Variants in BAHCC1 observed in about 807,000 individuals in gnomAD.
BAHCC1 encodes BAH and coiled-coil domain-containing protein 1.
BAHCC1 carries 43 observed loss-of-function variants against 88.2 expected under a neutral mutation model. The ratio of observed to expected loss-of-function variants is 0.49; its 90% CI spans 0.38 to 0.63. The LOEUF (loss-of-function observed/expected upper bound fraction) is 0.63, where lower values mean the gene tolerates loss of function less well. Among genes scored for constraint, BAHCC1 ranks in the 20% least tolerant of loss-of-function variants. BAHCC1 has a pLI of 0.00. For missense variants in BAHCC1, 3,023 were observed against 1,654.8 expected (o/e 1.83, Z -14.34); for synonymous variants, 1,510 against 745.5 (o/e 2.03, Z -16.71).
At chr17:81,425,654 T>C (rs2064179681) in intron 2 of BAHCC1, among the ~76,000 whole-genome samples, 3 of 145,528 alleles carry the variant, frequency 2.1e-5, no homozygotes, top group Non-Finnish European at 3.0e-5. Flanking sequence ...TGGTTGGTGG[T>C]GATGTGGTTG....
chr17:81,450,975 T>C (rs1046804720), intron 11 of BAHCC1: 2 of 152,650 alleles, frequency 1.3e-5, no homozygotes, highest in Non-Finnish European at 2.9e-5. Context: ...CTGCAGCCAT[T>C]GCTCTTTAGG....
intron 2 of BAHCC1, among the ~76,000 whole-genome samples, chr17:81,424,370 AG>A (rs1377976850): frequency 6.6e-6 from 1 of 152,190 alleles, no homozygotes; most frequent in Non-Finnish European, 1.5e-5. Flanking sequence ...AGTGTGTGAG[AG>A]GCCTTGGAGC....
At chr17:81,432,231 C>T (rs2064268733) in intron 3 of BAHCC1, among the ~76,000 whole-genome samples, 1 of 152,158 alleles carries the variant, frequency 6.6e-6, no homozygotes, top group Admixed American at 6.5e-5. Flanking sequence ...GCTGACATCC[C>T]TGGATCTGAC....
chr17:81,443,517 A>G lies in BAHCC1; in HGVS notation c.2168A>G (p.Tyr723Cys). The part of the protein sequence containing the change: ...KDTVSRSEAA[Y>C]GTNTARQGRA... ...ACAGTGAGCCGGTCTGAGGCAGCCT[A>G]CGGCACCAACACTGCGCGGCAGGGC... Residue 723 changes from tyrosine to cysteine, a missense_variant, in exon 5 of 28, where the codon TAC becomes TGC. Transcript: ENST00000675386. The G allele has an allele frequency of 1.5e-6, 1 of 688,512 alleles. No homozygotes were observed. Among genetic ancestry groups the G allele is most frequent in the Non-Finnish European group, 2.7e-6 (1 of 373,836 alleles). 42.7% of individuals were successfully genotyped at this position (688,512 alleles called of 1,614,324 possible). A position where few individuals can be genotyped will look rare whatever the true frequency, so the allele number is the denominator to read the frequency against.
At position 81,443,417 on chromosome 17, in the gene BAHCC1, G is replaced by A. The variant is rs566509890; in HGVS notation, c.2068G>A (p.Asp690Asn). ...RPDCARSREH[D>N]TTHGDGEVRQ... is the part of the protein sequence containing the mutation. Reference sequence around the variant, plus strand: ...GGACTGTGCCCGCAGCAGGGAGCACGACACCACGCACGGCGACGGGGAGGT... The same window carrying A: ...GGACTGTGCCCGCAGCAGGGAGCACAACACCACGCACGGCGACGGGGAGGT... The change falls in exon 5 of 28, where the codon GAC becomes AAC. Residue 690 changes from aspartate (D) to asparagine (N), a missense_variant. Physicochemically the swap from Asp to Asn is conservative, Grantham distance 23. Coordinates refer to ENST00000675386, the MANE Select transcript of BAHCC1 (RefSeq NM_001377448.1). 46 of 768,296 alleles carry A rather than the reference G, an allele frequency of 6.0e-5. 1 individual carries two copies. Among genetic ancestry groups the A allele is most frequent in the South Asian group, 2.1e-4 (15 of 72,972 alleles). The allele number at this position is 768,296 out of a possible 1,614,324, so 47.6% of individuals were successfully genotyped here.
intron 2 of BAHCC1, among the ~76,000 whole-genome samples, chr17:81,424,265 CTG>C (rs1555649969): frequency 6.6e-6 from 1 of 152,248 alleles, no homozygotes; most frequent in East Asian, 1.9e-4. Context: ...GGGGCCGAGA[CTG>C]TGGGGCCCGT....
chr17:81,436,345 C>T lies in BAHCC1; in HGVS notation c.359-2025C>T, dbSNP rs75521663. On this transcript the variant is annotated intron_variant, in intron 3 of 27. Coordinates refer to ENST00000675386, the MANE Select transcript of BAHCC1 (RefSeq NM_001377448.1). ...CCCAGAGGGGACCGGCGGGAAGGAG[C>T]CCACTCCTCTGCCAGCTGACTGCCT... Among the ~76,000 whole-genome samples, 105 of 152,318 alleles carry T rather than the reference C, an allele frequency of 6.9e-4. 1 individual carries two copies. In the East Asian group the frequency reaches 0.018, roughly 27 times the overall value.
At chr17:81,422,295 G>T (rs1312734025) in intron 2 of BAHCC1, among the ~76,000 whole-genome samples, 1 of 152,232 alleles carries the variant, frequency 6.6e-6, no homozygotes, top group African/African-American at 2.4e-5. Context: ...ACAGGCGTGA[G>T]CCACCGTGTC....
chr17:81,418,810 CGT>C (rs70938163), intron 2 of BAHCC1, among the ~76,000 whole-genome samples: 1,570 of 146,396 alleles, frequency 0.011, 35 homozygotes, highest in African/African-American at 0.038. Context: ...TGTGTGTGTA[CGT>C]GTGTGTGTGT....
In BAHCC1 at chr17:81,438,493, G is replaced by GC. The variant is rs1568014789; in HGVS notation, c.481+2dup. 1.3e-6 allele frequency: 1 copy of GC among 767,752 alleles called. No homozygotes were observed. The highest frequency in any genetic ancestry group is 2.4e-6 in the Non-Finnish European group (1 of 412,434). 47.6% of individuals were successfully genotyped at this position (767,752 alleles called of 1,614,324 possible). On this transcript the variant is annotated splice_donor_variant, in intron 4 of 27. Coordinates refer to ENST00000675386, the MANE Select transcript of BAHCC1 (RefSeq NM_001377448.1). LOFTEE classifies it high-confidence loss of function. The stretch of plus-strand genomic sequence containing the variant: ...CACCGTTTCTATGGAACCCAAAAAG[G>GC]CAAGTGCAGCATGGGACCGGCGTGG...
chr17:81,434,598 A>AC lies in BAHCC1; in HGVS notation c.359-3766dup, dbSNP rs1412892525. Among the ~76,000 whole-genome samples the AC allele has an allele frequency of 6.6e-6, 1 of 151,624 alleles. No individual in the cohort carries two copies. The highest frequency in any genetic ancestry group is 1.5e-5 in the Non-Finnish European group (1 of 67,868). ...TGACCCTGCAGTGGGAAGTCCCCTG[A>AC]CCCCCCAGGTGATCTTGGTCCTTCT... is the stretch of plus-strand genomic sequence containing the variant. On this transcript the variant is annotated intron_variant, in intron 3 of 27. Transcript: ENST00000675386. This position sits in a 1 kb window ranked among gnomAD's most constrained non-coding sequence, Gnocchi z 4.9.
At position 81,457,528 on chromosome 17, in the gene BAHCC1, C is replaced by T; in HGVS notation, c.4977C>T (p.Ser1659=). ...TGGCCGTGCTGGGGCCCTCACCCTC[C>T]TCTGTGGTCAAGATGGAGGCCAACC... ...ASVAVLGPSP[S]SVVKMEANQK... The change falls in exon 17 of 28, where the codon TCC becomes TCT. Residue 1659 remains serine, a synonymous_variant. Coordinates refer to ENST00000675386, the MANE Select transcript of BAHCC1 (RefSeq NM_001377448.1). The T allele has an allele frequency of 1.3e-6, 1 of 753,668 alleles. No homozygotes were observed. Among genetic ancestry groups the T allele is most frequent in the South Asian group, 1.4e-5 (1 of 70,894 alleles). 46.7% of individuals were successfully genotyped at this position (753,668 alleles called of 1,614,324 possible).
Position 81,442,881 on chromosome 17 carries a change from C to T in BAHCC1, c.1532C>T (p.Pro511Leu), listed in dbSNP as rs201791070. 3.4e-4 allele frequency: 263 copies of T among 779,250 alleles called. No homozygotes were observed. The highest frequency in any genetic ancestry group is 4.5e-4 in the Middle Eastern group (2 of 4,464). 48.3% of individuals were successfully genotyped at this position (779,250 alleles called of 1,614,324 possible). ...QDCARPGHQDPLGGKAPQACC... is the reference protein window; with the variant it reads ...QDCARPGHQDLLGGKAPQACC... ...TGTGCCCGGCCTGGTCACCAGGACCCGCTGGGCGGGAAGGCCCCCCAGGCC... is the reference window on the plus strand; with the variant it reads ...TGTGCCCGGCCTGGTCACCAGGACCTGCTGGGCGGGAAGGCCCCCCAGGCC... The change falls in exon 5 of 28, where the codon CCG (proline) becomes CTG (leucine). Residue 511 changes from proline (P) to leucine (L), a missense_variant. Pro to Leu is a moderately conservative substitution (Grantham distance 98). Coordinates refer to ENST00000675386, the MANE Select transcript of BAHCC1 (RefSeq NM_001377448.1).
intron 4 of BAHCC1, among the ~76,000 whole-genome samples, chr17:81,439,351 C>T (rs562154687): frequency 1.3e-4 from 19 of 151,898 alleles, no homozygotes; most frequent in African/African-American, 3.6e-4. Context: ...CCACAGGGGC[C>T]GGCATCGGTG....
At chr17:81,405,581 G>A (rs1000607299) in intron 2 of BAHCC1, among the ~76,000 whole-genome samples, 1 of 152,104 alleles carries the variant, frequency 6.6e-6, no homozygotes, top group African/African-American at 2.4e-5. Context: ...TAGCTCCAGG[G>A]TCTGAGCCCG....
At chr17:81,463,104 C>T (rs980783048) in intron 27 of BAHCC1, 128 bp downstream of exon 27, 1 of 623,586 alleles carries the variant, frequency 1.6e-6, no homozygotes. Context: ...CAGCAGGTAC[C>T]ACGGCCCTGC....
chr17:81,417,157 G>A (rs953759975), intron 2 of BAHCC1, among the ~76,000 whole-genome samples: 6 of 152,288 alleles, frequency 3.9e-5, no homozygotes, highest in East Asian at 1.9e-4. Context: ...GTGTGCGTGC[G>A]TGTGCCCCTG....
chr17:81,445,982 G>C (rs2064519728), intron 10 of BAHCC1, among the ~76,000 whole-genome samples: 1 of 152,250 alleles, frequency 6.6e-6, no homozygotes, highest in Non-Finnish European at 1.5e-5. Flanking sequence ...GGGCCTGCTG[G>C]TGGTGGTACT....
intron 3 of BAHCC1, among the ~76,000 whole-genome samples, chr17:81,432,211 G>A (rs2064268481): frequency 6.6e-6 from 1 of 152,256 alleles, no homozygotes; most frequent in African/African-American, 2.4e-5. Flanking sequence ...ATGGGGTGCG[G>A]CCTTCCTAGG....
Sources: gnomAD v4.1 joint callset for allele counts (sites outside exome capture counted in the v4.1 genomes callset) on GRCh38, gnomAD v4.1.1 for gene constraint, Gnocchi (gnomAD v3.1) non-coding constraint, MANE v1.5 for transcripts, NCBI Gene and HGNC (gene_info 2026-07-23, HGNC 2026-07-21) for gene names.